PTPRT: variants seen among roughly 807,000 people sequenced by gnomAD.
The protein encoded by PTPRT is receptor-type tyrosine-protein phosphatase T.
A neutral mutation model predicts 176.8 loss-of-function variants in PTPRT; 56 were observed. The ratio of observed to expected loss-of-function variants is 0.32; its 90% CI spans 0.26 to 0.40. The LOEUF is 0.40. PTPRT is among the 10% of genes least tolerant of loss of function. The pLI is 1.00. For missense variants in PTPRT, 1,540 were observed against 1,908.2 expected (o/e 0.81, Z 3.60); for synonymous variants, 783 against 739.0 (o/e 1.06, Z -0.96).
intron 12 of PTPRT, among the ~76,000 whole-genome samples, chr20:42,313,174 C>G (rs933798815): frequency 6.6e-6 from 1 of 152,252 alleles, no homozygotes; most frequent in Non-Finnish European, 1.5e-5. Flanking sequence ...AATGCCATGG[C>G]AATGTCAGGA....
At chr20:42,654,567 T>C (rs1285043939) in intron 7 of PTPRT, among the ~76,000 whole-genome samples, 2 of 152,206 alleles carry the variant, frequency 1.3e-5, no homozygotes, top group African/African-American at 4.8e-5. Flanking sequence ...AGTTATCTCT[T>C]TGCAGACTGC....
intron 13 of PTPRT, among the ~76,000 whole-genome samples, chr20:42,268,020 C>T (rs972483543): frequency 1.7e-4 from 26 of 152,142 alleles, no homozygotes; most frequent in Non-Finnish European, 2.8e-4. Flanking sequence ...CCACTCACTC[C>T]GAATGCCAGC....
intron 7 of PTPRT, among the ~76,000 whole-genome samples, chr20:42,568,325 A>C (rs2073083618): frequency 6.6e-6 from 1 of 151,572 alleles, no homozygotes; most frequent in Non-Finnish European, 1.5e-5. Context: ...GGGGGCTTTC[A>C]CTCCTATTAT....
At chr20:42,818,765 A>T (rs900201332) in intron 2 of PTPRT, among the ~76,000 whole-genome samples, 1 of 152,214 alleles carries the variant, frequency 6.6e-6, no homozygotes, top group African/African-American at 2.4e-5. Flanking sequence ...CACAAGCATC[A>T]ACAGCCAAAC....
chr20:42,195,175 A>G (rs1054587883), intron 16 of PTPRT, among the ~76,000 whole-genome samples: 1 of 152,138 alleles, frequency 6.6e-6, no homozygotes, highest in Admixed American at 6.5e-5. Context: ...AAAAAAGAAA[A>G]CCCCAGAAAA....
chr20:42,444,159 C>A (rs946097816), intron 9 of PTPRT, among the ~76,000 whole-genome samples: 1 of 152,164 alleles, frequency 6.6e-6, no homozygotes, highest in African/African-American at 2.4e-5. Context: ...CCAGTCACTC[C>A]GGTCTCCTTT....
Position 42,352,215 on chromosome 20 carries a change from T to C in PTPRT, c.1631A>G (p.Lys544Arg), listed in dbSNP as rs375343257. The change falls in exon 10 of 31, where the codon AAG becomes AGG. Residue 544 changes from lysine (K) to arginine (R), a missense_variant. This residue lies in a region of PTPRT where 136 missense variants were observed against 135.0 expected (regional missense o/e 1.01). Transcript: ENST00000373187. ...GAGGTGGTGGGTTTCATTCCGGAGC[T>C]TGAACACTTTCCCCCTCTGGCTCGA... is the stretch of plus-strand genomic sequence containing the variant. ...DLSSQRGKVF[K>R]LRNETHHLFV... The C allele has an allele frequency of 6.2e-7, 1 of 1,614,150 alleles. No homozygotes were observed. Among genetic ancestry groups the C allele is most frequent in the African/African-American group, 1.3e-5 (1 of 75,036 alleles).
rs777761268 is a variant in PTPRT, at chr20:42,577,923, CTGTGTGTGTGTGTGTGTGTGTGTGTG to C, written c.1153+99917_1153+99942del. On this transcript the variant is annotated intron_variant, in intron 7 of 30. Transcript: ENST00000373187. ...GAAAAACCTTCAGACCTGAGCGAGG[CTGTGTGTGTGTGTGTGTGTGTGTGTG>C]TGTGTGTGTGTGTGTGTGTGTAGGC... 1.6e-3 allele frequency among the ~76,000 whole-genome samples: 174 copies of C among 111,324 alleles called. 1 individual carries two copies. Among genetic ancestry groups the C allele is most frequent in the Admixed American group, 2.9e-3 (30 of 10,210 alleles). 73.0% of individuals were successfully genotyped at this position (111,324 alleles called of 152,430 possible).
intron 1 of PTPRT, among the ~76,000 whole-genome samples, chr20:43,071,658 G>A (rs1300793139): frequency 6.9e-6 from 1 of 144,386 alleles, no homozygotes; most frequent in Non-Finnish European, 1.5e-5. Flanking sequence ...GGTGGCACAT[G>A]CCTGTAATCC....
chr20:42,832,428 G>C (rs2078104755), intron 2 of PTPRT, among the ~76,000 whole-genome samples: 1 of 151,764 alleles, frequency 6.6e-6, no homozygotes. Context: ...TTAGGACCTG[G>C]GTAACAAAAT....
At chr20:42,067,422 G>A in the PTPRT span, among the ~76,000 whole-genome samples, 4 of 152,254 alleles carry the variant, frequency 2.6e-5, no homozygotes, top group South Asian at 2.1e-4. Context: ...TAGGCTGGGC[G>A]TAAGCATTGC....
At chr20:42,172,114 T>G (rs1333845297) in intron 16 of PTPRT, among the ~76,000 whole-genome samples, 3 of 152,024 alleles carry the variant, frequency 2.0e-5, no homozygotes, top group African/African-American at 7.2e-5. Context: ...ATTGCAATAA[T>G]GCACACATGA....
chr20:43,017,043 A>T (rs1363657037), intron 1 of PTPRT, among the ~76,000 whole-genome samples: 1 of 152,120 alleles, frequency 6.6e-6, no homozygotes, highest in Non-Finnish European at 1.5e-5. Context: ...ATATTACTTT[A>T]ATGTAATATT....
chr20:42,634,661 G>T (rs745657250), intron 7 of PTPRT, among the ~76,000 whole-genome samples: 1 of 151,902 alleles, frequency 6.6e-6, no homozygotes, highest in East Asian at 1.9e-4. Flanking sequence ...TAAAAAAGAC[G>T]AAAAATATGT....
the PTPRT span, among the ~76,000 whole-genome samples, chr20:42,037,701 G>A: frequency 2.0e-5 from 3 of 152,310 alleles, no homozygotes; most frequent in African/African-American, 7.2e-5. Flanking sequence ...CCTGTGAAAT[G>A]TGCCGGTGGT....
At chr20:42,789,502 G>T (rs879594556) in intron 3 of PTPRT, among the ~76,000 whole-genome samples, 19 of 152,252 alleles carry the variant, frequency 1.2e-4, no homozygotes, top group Non-Finnish European at 2.5e-4. Context: ...TATAAAATGG[G>T]TACGTAGTAC....
At chr20:42,723,868 G>A (rs961951132) in intron 6 of PTPRT, among the ~76,000 whole-genome samples, 1 of 152,200 alleles carries the variant, frequency 6.6e-6, no homozygotes, top group Non-Finnish European at 1.5e-5. Flanking sequence ...CTCCTATCTG[G>A]ACAGGGTAGG....
chr20:42,422,695 TG>T (rs1218707721), intron 9 of PTPRT, among the ~76,000 whole-genome samples: 19 of 152,232 alleles, frequency 1.2e-4, no homozygotes, highest in African/African-American at 4.1e-4. Context: ...ATCCCATTAC[TG>T]GGTATATACC....
At chr20:42,235,371 C>T (rs1352157721) in intron 15 of PTPRT, among the ~76,000 whole-genome samples, 3 of 152,036 alleles carry the variant, frequency 2.0e-5, no homozygotes, top group African/African-American at 7.2e-5. Flanking sequence ...AGCAATTCTC[C>T]TGCCTCAGCC....
Sources: allele counts gnomAD v4.1 joint callset (sites outside exome capture counted in the v4.1 genomes callset), GRCh38; gene constraint gnomAD v4.1.1; regional missense constraint gnomAD v4.1.1; transcripts MANE v1.5; gene names NCBI Gene and HGNC (gene_info 2026-07-23, HGNC 2026-07-21).